The following KCNAB1 variants were observed in gnomAD, a reference collection of about 807,000 sequenced individuals.
KCNAB1 encodes the protein voltage-gated potassium channel subunit beta-1.
In KCNAB1, 35 loss-of-function variants were observed where a neutral mutation model predicts 64.6. The observed-to-expected ratio is 0.54, with a 90% CI of 0.41 to 0.72. KCNAB1 has a LOEUF of 0.72. Among genes scored for constraint, KCNAB1 ranks in the 30% least tolerant of loss-of-function variants. The pLI, the probability that KCNAB1 is intolerant of heterozygous loss-of-function variation, is 0.00. For synonymous variants in KCNAB1, 177 were observed against 183.8 expected (o/e 0.96, Z 0.30); for missense variants, 401 against 512.9 (o/e 0.78, Z 2.11).
chr3:156,347,764 A>G (rs1031766860), intron 1 of KCNAB1, among the ~76,000 whole-genome samples: 1 of 152,160 alleles, frequency 6.6e-6, no homozygotes, highest in Non-Finnish European at 1.5e-5. Context: ...TGTACCCTTC[A>G]AATTTTCTTA....
At chr3:156,500,972 C>A (rs745862476) in intron 8 of KCNAB1, among the ~76,000 whole-genome samples, 2 of 152,238 alleles carry the variant, frequency 1.3e-5, no homozygotes, top group Admixed American at 6.5e-5. Context: ...GCAGTTGAGT[C>A]TCATACAGGG....
intron 1 of KCNAB1, among the ~76,000 whole-genome samples, chr3:156,375,011 C>G (rs1711555605): frequency 1.5e-5 from 2 of 136,096 alleles, no homozygotes; most frequent in South Asian, 4.4e-4. Context: ...GTCTCCCTCA[C>G]TTCTTCCTTT....
chr3:156,395,373 G>A lies in KCNAB1; in HGVS notation c.276-26243G>A, dbSNP rs1321865243. Among the ~76,000 whole-genome samples, 3 of 148,902 alleles carry A rather than the reference G, an allele frequency of 2.0e-5. 1 individual carries two copies. The highest frequency in any genetic ancestry group is 5.0e-5 in the African/African-American group (2 of 39,840). ...ATCCCGGCTAAAACGGTGAAACCCCGTCTCTACTAAAAATACAAAAAATTA... is the reference window on the plus strand; with the variant it reads ...ATCCCGGCTAAAACGGTGAAACCCCATCTCTACTAAAAATACAAAAAATTA... On this transcript the variant is annotated intron_variant, in intron 1 of 13. Coordinates refer to ENST00000490337, the MANE Select transcript of KCNAB1 (RefSeq NM_172160.3).
intron 1 of KCNAB1, among the ~76,000 whole-genome samples, chr3:156,413,597 T>C (rs1465708736): frequency 6.6e-6 from 1 of 152,218 alleles, no homozygotes; most frequent in African/African-American, 2.4e-5. Flanking sequence ...TAGTAAGTGA[T>C]AGAGGCACTG....
At chr3:156,224,758 A>G (rs1336220433) in intron 1 of KCNAB1, among the ~76,000 whole-genome samples, 1 of 152,242 alleles carries the variant, frequency 6.6e-6, no homozygotes, top group Admixed American at 6.5e-5. Flanking sequence ...CTCATACCAT[A>G]TAAATACAAA....
intron 1 of KCNAB1, among the ~76,000 whole-genome samples, chr3:156,376,225 T>G (rs1711646624): frequency 6.6e-6 from 1 of 152,192 alleles, no homozygotes; most frequent in Non-Finnish European, 1.5e-5. Context: ...TCAGAGGAAG[T>G]TGGAAATTCC....
chr3:156,356,069 C>T (rs1295492828), intron 1 of KCNAB1, among the ~76,000 whole-genome samples: 3 of 148,548 alleles, frequency 2.0e-5, no homozygotes, highest in Non-Finnish European at 3.0e-5. Context: ...CTACAGTGAG[C>T]CATGATCATG....
intron 1 of KCNAB1, among the ~76,000 whole-genome samples, chr3:156,320,505 C>T (rs538806509): frequency 1.3e-5 from 2 of 152,288 alleles, no homozygotes; most frequent in Admixed American, 1.3e-4. Context: ...TCTTGGTATT[C>T]TCACTGTGTA....
At chr3:156,292,316 T>A (rs1200486059) in intron 1 of KCNAB1, among the ~76,000 whole-genome samples, 1 of 152,190 alleles carries the variant, frequency 6.6e-6, no homozygotes, top group Non-Finnish European at 1.5e-5. Context: ...TAAAGATTTT[T>A]AAAAATGTGG....
chr3:156,211,775 G>C lies in KCNAB1; in HGVS notation c.275+90889G>C, dbSNP rs183664811. 7.7e-4 allele frequency among the ~76,000 whole-genome samples: 118 copies of C among 152,336 alleles called. 2 individuals carry two copies. The highest frequency in any genetic ancestry group is 2.2e-4 in the Non-Finnish European group (15 of 68,028). On this transcript the variant is annotated intron_variant, in intron 1 of 13. Coordinates refer to ENST00000490337, the MANE Select transcript of KCNAB1 (RefSeq NM_172160.3). ...AATGAATGACTCCAGGAAACTGAGGGATATGTCTATCTATGTGACAGTCCA... is the reference window on the plus strand; with the variant it reads ...AATGAATGACTCCAGGAAACTGAGGCATATGTCTATCTATGTGACAGTCCA...
chr3:156,345,912 C>G (rs1243796063), intron 1 of KCNAB1, among the ~76,000 whole-genome samples: 2 of 152,128 alleles, frequency 1.3e-5, no homozygotes, highest in South Asian at 4.1e-4. Context: ...CTATAGAATA[C>G]TGAATTGAAA....
At chr3:156,442,595 T>C (rs958129) in intron 2 of KCNAB1, among the ~76,000 whole-genome samples, 34,341 of 152,108 alleles carry the variant, frequency 0.23, 6,638 homozygotes, top group African/African-American at 0.52. Context: ...CAATCCCAGA[T>C]GTTTAACCCT....
chr3:156,165,068 G>A (rs1173185327), intron 1 of KCNAB1, among the ~76,000 whole-genome samples: 1 of 151,848 alleles, frequency 6.6e-6, no homozygotes, highest in Non-Finnish European at 1.5e-5. Flanking sequence ...CACGAGGTCA[G>A]GAGATCGAGA....
chr3:156,508,420 G>A lies in KCNAB1; in HGVS notation c.659-5944G>A, dbSNP rs1716958218. Among the ~76,000 whole-genome samples the A allele has an allele frequency of 6.6e-6, 1 of 152,148 alleles. No individual in the cohort carries two copies. Among genetic ancestry groups the A allele is most frequent in the Admixed American group, 6.5e-5 (1 of 15,276 alleles). On this transcript the variant is annotated intron_variant, in intron 8 of 13. Coordinates refer to ENST00000490337, the MANE Select transcript of KCNAB1 (RefSeq NM_172160.3). The surrounding 1 kb of genome is among the most constrained non-coding windows in gnomAD (Gnocchi z 4.1). ...CATTTTGCAGGAAAAAAAGTTTAAT[G>A]TGAGCTACCACTTTTGGCATGTGAT... is the stretch of plus-strand genomic sequence containing the variant.
At chr3:156,240,594 T>G (rs1041772845) in intron 1 of KCNAB1, among the ~76,000 whole-genome samples, 1 of 152,228 alleles carries the variant, frequency 6.6e-6, no homozygotes, top group African/African-American at 2.4e-5. Flanking sequence ...CATAATGTAT[T>G]GAGTTTCTAA....
At chr3:156,313,899 C>CT (rs1365956799) in intron 1 of KCNAB1, among the ~76,000 whole-genome samples, 21 of 152,260 alleles carry the variant, frequency 1.4e-4, no homozygotes, top group African/African-American at 4.6e-4. Flanking sequence ...CGTGAAATTC[C>CT]TTTTTTGAGC....
intron 1 of KCNAB1, among the ~76,000 whole-genome samples, chr3:156,269,986 G>T (rs1472901561): frequency 1.3e-5 from 2 of 149,028 alleles, no homozygotes; most frequent in African/African-American, 5.0e-5. Context: ...CACAATCTCG[G>T]CTCACTGCAA....
chr3:156,195,774 A>G (rs960526175), intron 1 of KCNAB1, among the ~76,000 whole-genome samples: 31 of 152,172 alleles, frequency 2.0e-4, no homozygotes, highest in African/African-American at 7.0e-4. Context: ...TTTGCTGTGC[A>G]GAAACTCTTT....
chr3:156,345,508 A>C (rs574602264), intron 1 of KCNAB1, among the ~76,000 whole-genome samples: 1 of 152,326 alleles, frequency 6.6e-6, no homozygotes, highest in East Asian at 1.9e-4. Context: ...CCTTGGATTC[A>C]AGGCAATGAG....
Sources: gnomAD v4.1 joint callset for allele counts (sites outside exome capture counted in the v4.1 genomes callset) on GRCh38, gnomAD v4.1.1 for gene constraint, Gnocchi (gnomAD v3.1) non-coding constraint, MANE v1.5 for transcripts, NCBI Gene and HGNC (gene_info 2026-07-23, HGNC 2026-07-21) for gene names.